Variants in GABRG3 observed in about 807,000 individuals in gnomAD.
GABRG3 encodes the protein gamma-aminobutyric acid type A receptor subunit gamma3, also known as gamma-aminobutyric acid receptor subunit gamma-3.
GABRG3 carries 25 observed loss-of-function variants against 48.8 expected under a neutral mutation model. The observed-to-expected ratio is 0.51, with a 90% CI of 0.37 to 0.72. The LOEUF (loss-of-function observed/expected upper bound fraction) is 0.72, where lower values mean the gene tolerates loss of function less well. Ranked by LOEUF, GABRG3 falls within the 30% of genes least tolerant of loss-of-function variation. The pLI is 0.00. For synonymous variants in GABRG3, 227 were observed against 217.6 expected (o/e 1.04, Z -0.38); for missense variants, 394 against 577.9 (o/e 0.68, Z 3.26).
At chr15:27,142,724 A>G (rs1898127168) in intron 3 of GABRG3, among the ~76,000 whole-genome samples, 1 of 151,612 alleles carries the variant, frequency 6.6e-6, no homozygotes, top group Non-Finnish European at 1.5e-5. Flanking sequence ...TTATCACTTC[A>G]CTTTATCCCT....
intron 7 of GABRG3, among the ~76,000 whole-genome samples, chr15:27,523,059 C>T (rs1891195134): frequency 6.6e-6 from 1 of 151,766 alleles, no homozygotes; most frequent in African/African-American, 2.4e-5. Flanking sequence ...ATATCCACCT[C>T]CTGCCATACA....
intron 3 of GABRG3, among the ~76,000 whole-genome samples, chr15:27,218,574 C>T (rs1243641240): frequency 6.6e-6 from 1 of 152,160 alleles, no homozygotes; most frequent in East Asian, 1.9e-4. Flanking sequence ...TGCTCAGCGT[C>T]TCCACTCGGT....
chr15:27,079,493 T>C lies in GABRG3; in HGVS notation c.270+52672T>C, dbSNP rs1035257082. Among the ~76,000 whole-genome samples the C allele has an allele frequency of 2.6e-5, 4 of 151,380 alleles. No homozygotes were observed. In the East Asian group the frequency reaches 7.8e-4, roughly 30 times the overall value. On this transcript the variant is annotated intron_variant, in intron 3 of 9. Transcript: ENST00000615808. ...TGAATTTAGAAGATGCCGTGTGGAG[T>C]GTGTGTGTTGGGAGTGGGTGAGATT...
intron 5 of GABRG3, among the ~76,000 whole-genome samples, chr15:27,351,576 G>C (rs1894599183): frequency 6.7e-6 from 1 of 149,002 alleles, no homozygotes; most frequent in African/African-American, 2.5e-5. Flanking sequence ...GTGTATGTGT[G>C]TATGGTGTGT....
intron 5 of GABRG3, among the ~76,000 whole-genome samples, chr15:27,358,471 G>A (rs2140543698): frequency 6.6e-6 from 1 of 152,196 alleles, no homozygotes; most frequent in Non-Finnish European, 1.5e-5. Flanking sequence ...GGAGGGAAGT[G>A]CAGAGAGAAG....
chr15:27,380,891 G>T (rs377626217), intron 5 of GABRG3, among the ~76,000 whole-genome samples: 2 of 150,794 alleles, frequency 1.3e-5, no homozygotes, highest in Non-Finnish European at 3.0e-5. Context: ...TCAGCCTCCC[G>T]AGTAGCTGGG....
At chr15:27,510,366 T>G (rs895548565) in intron 6 of GABRG3, among the ~76,000 whole-genome samples, 1 of 152,200 alleles carries the variant, frequency 6.6e-6, no homozygotes, top group Admixed American at 6.5e-5. Flanking sequence ...CCAGGGGTAG[T>G]GCTTGCTTGC....
chr15:27,478,870 T>C (rs997181925), intron 5 of GABRG3, among the ~76,000 whole-genome samples: 6 of 152,244 alleles, frequency 3.9e-5, no homozygotes, highest in African/African-American at 1.4e-4. Context: ...GAACACATTA[T>C]GCTAAGTGAA....
chr15:27,151,884 TTATC>T (rs2140396960), intron 3 of GABRG3, among the ~76,000 whole-genome samples: 1 of 152,298 alleles, frequency 6.6e-6, no homozygotes, highest in East Asian at 1.9e-4. Flanking sequence ...TGAGAACACT[TTATC>T]TATTCTAGGT....
At chr15:27,050,660 T>C (rs1896441219) in intron 3 of GABRG3, among the ~76,000 whole-genome samples, 1 of 152,200 alleles carries the variant, frequency 6.6e-6, no homozygotes, top group African/African-American at 2.4e-5. Context: ...GAGGGGGCTG[T>C]TTTTATTCTT....
intron 3 of GABRG3, among the ~76,000 whole-genome samples, chr15:27,047,158 G>T (rs1165506398): frequency 6.6e-6 from 1 of 152,084 alleles, no homozygotes; most frequent in East Asian, 1.9e-4. Context: ...GTATCTTCAG[G>T]CCGCTGTGTT....
intron 3 of GABRG3, among the ~76,000 whole-genome samples, chr15:27,252,692 T>C (rs1890497910): frequency 6.6e-6 from 1 of 152,168 alleles, no homozygotes; most frequent in Non-Finnish European, 1.5e-5. Context: ...AGAGGGCACC[T>C]CCCACCTGCA....
At chr15:27,476,048 A>G (rs534192250) in intron 5 of GABRG3, among the ~76,000 whole-genome samples, 1 of 152,176 alleles carries the variant, frequency 6.6e-6, no homozygotes, top group African/African-American at 2.4e-5. Context: ...TCAAAAGAAC[A>G]TAAAAGCAAC....
intron 2 of GABRG3, among the ~76,000 whole-genome samples, chr15:27,011,704 C>T (rs1348186291): frequency 4.0e-5 from 6 of 151,776 alleles, no homozygotes; most frequent in East Asian, 1.9e-4. Context: ...AAAAATTAGC[C>T]GGGTGTGGTG....
At chr15:27,100,816 A>G (rs1441940229) in intron 3 of GABRG3, among the ~76,000 whole-genome samples, 1 of 152,212 alleles carries the variant, frequency 6.6e-6, no homozygotes, top group East Asian at 1.9e-4. Flanking sequence ...AATAGGGGAA[A>G]ACTTACTCAG....
intron 6 of GABRG3, among the ~76,000 whole-genome samples, chr15:27,490,931 C>G (rs1342286434): frequency 1.5e-5 from 2 of 133,130 alleles, no homozygotes; most frequent in Non-Finnish European, 3.1e-5. Flanking sequence ...TGCCGCATTT[C>G]TGTGGCCATT....
At chr15:27,395,147 A>G (rs1453441368) in intron 5 of GABRG3, among the ~76,000 whole-genome samples, 3 of 151,898 alleles carry the variant, frequency 2.0e-5, no homozygotes, top group African/African-American at 7.3e-5. Flanking sequence ...CATTTTTCTT[A>G]TTCTTTGTAT....
intron 5 of GABRG3, chr15:27,422,465 A>G (rs948630647): frequency 6.6e-6 from 1 of 152,290 alleles, no homozygotes; most frequent in Non-Finnish European, 1.5e-5. Context: ...ATATCCACCA[A>G]TACTGAGTGT....
At chr15:27,009,158 A>G (rs1487170994) in intron 2 of GABRG3, among the ~76,000 whole-genome samples, 3 of 151,922 alleles carry the variant, frequency 2.0e-5, no homozygotes, top group Non-Finnish European at 4.4e-5. Flanking sequence ...ACAGGTGCAC[A>G]CTGGACTGCT....
Sources: allele counts gnomAD v4.1 joint callset (sites outside exome capture counted in the v4.1 genomes callset), GRCh38; gene constraint gnomAD v4.1.1; transcripts MANE v1.5; gene names NCBI Gene and HGNC (gene_info 2026-07-23, HGNC 2026-07-21).